SCRG1: variants seen among roughly 807,000 people sequenced by gnomAD.
SCRG1 encodes the protein stimulator of chondrogenesis 1.
A neutral mutation model predicts 7.7 loss-of-function variants in SCRG1; 3 were observed. That is an observed-to-expected ratio of 0.39 (90% confidence interval 0.18 to 1.01). The LOEUF (loss-of-function observed/expected upper bound fraction) is 1.01. Ranked by LOEUF, SCRG1 falls within the 50% of genes least tolerant of loss-of-function variation. The pLI is 0.36. For missense variants in SCRG1, 110 were observed against 117.2 expected (o/e 0.94, Z 0.28); for synonymous variants, 46 against 41.2 (o/e 1.12, Z -0.44).
chr4:173,393,258 A>G (rs1739505195), intron 1 of SCRG1, among the ~76,000 whole-genome samples: 1 of 152,174 alleles, frequency 6.6e-6, no homozygotes, highest in Non-Finnish European at 1.5e-5. Context: ...GTATTTCTTC[A>G]TACTCCTAAG....
chr4:173,440,428 C>T, the SCRG1 span, among the ~76,000 whole-genome samples: 1 of 152,174 alleles, frequency 6.6e-6, no homozygotes, highest in Non-Finnish European at 1.5e-5. Flanking sequence ...TTTTGTTGGA[C>T]ATTTGGAATT....
the SCRG1 span, among the ~76,000 whole-genome samples, chr4:173,483,001 GTA>G: frequency 8.1e-6 from 1 of 123,816 alleles, no homozygotes; most frequent in Non-Finnish European, 1.6e-5. Context: ...TATTTCATAT[GTA>G]TAATATATTA....
chr4:173,482,731 C>A, the SCRG1 span, among the ~76,000 whole-genome samples: 1 of 151,284 alleles, frequency 6.6e-6, no homozygotes, highest in East Asian at 1.9e-4. Context: ...GGCCAGAGGA[C>A]CACATGAGCC....
the SCRG1 span, among the ~76,000 whole-genome samples, chr4:173,514,099 C>T: frequency 6.6e-6 from 1 of 152,080 alleles, no homozygotes; most frequent in African/African-American, 2.4e-5. Flanking sequence ...CTGTTTTGCT[C>T]AATGGGTCAT....
At chr4:173,486,674 G>A in the SCRG1 span, among the ~76,000 whole-genome samples, 4 of 151,666 alleles carry the variant, frequency 2.6e-5, no homozygotes, top group Admixed American at 6.6e-5. Flanking sequence ...TCCTTCCTGC[G>A]TTGGACCATT....
At chr4:173,511,994 T>G in the SCRG1 span, among the ~76,000 whole-genome samples, 11 of 152,218 alleles carry the variant, frequency 7.2e-5, no homozygotes, top group African/African-American at 1.9e-4. This position sits in a 1 kb window ranked among gnomAD's most constrained non-coding sequence, Gnocchi z 5.2. Context: ...TCATTAGGAC[T>G]GTAAATCCTC....
the SCRG1 span, among the ~76,000 whole-genome samples, chr4:173,498,364 T>A: frequency 6.6e-6 from 1 of 152,228 alleles, no homozygotes; most frequent in African/African-American, 2.4e-5. Flanking sequence ...AGGTAAGGAC[T>A]GCAGATGTTG....
the SCRG1 span, among the ~76,000 whole-genome samples, chr4:173,461,816 A>G: frequency 6.6e-6 from 1 of 152,186 alleles, no homozygotes; most frequent in Non-Finnish European, 1.5e-5. Context: ...GAAATTCAAG[A>G]TAACACCAAA....
At chr4:173,479,211 T>C in the SCRG1 span, among the ~76,000 whole-genome samples, 1 of 152,140 alleles carries the variant, frequency 6.6e-6, no homozygotes, top group Non-Finnish European at 1.5e-5. Context: ...TGGAAACCAA[T>C]GCCCAATTTA....
the SCRG1 span, among the ~76,000 whole-genome samples, chr4:173,417,559 A>T: frequency 6.6e-6 from 1 of 151,936 alleles, no homozygotes; most frequent in African/African-American, 2.4e-5. Context: ...TGACCTCATG[A>T]TCTCATTTCT....
the SCRG1 span, among the ~76,000 whole-genome samples, chr4:173,502,122 C>T: frequency 6.6e-6 from 1 of 151,900 alleles, no homozygotes; most frequent in African/African-American, 2.4e-5. The surrounding 1 kb of genome is among the most constrained non-coding windows in gnomAD (Gnocchi z 4.6). Context: ...TAGTATTGCA[C>T]GCCTGGACTT....
At chr4:173,464,245 T>C in the SCRG1 span, among the ~76,000 whole-genome samples, 2 of 152,184 alleles carry the variant, frequency 1.3e-5, no homozygotes, top group Non-Finnish European at 1.5e-5. Flanking sequence ...TCTAGAGATA[T>C]CCCAGTTCAC....
upstream of SCRG1, among the ~76,000 whole-genome samples, chr4:173,407,937 G>C (rs1739947979): frequency 6.6e-6 from 1 of 152,054 alleles, no homozygotes; most frequent in Admixed American, 6.6e-5. Flanking sequence ...TTCCTTTATT[G>C]CTCCTTTACT....
upstream of SCRG1, among the ~76,000 whole-genome samples, chr4:173,407,935 T>C (rs1739947923): frequency 1.3e-5 from 2 of 152,232 alleles, no homozygotes; most frequent in African/African-American, 4.8e-5. Flanking sequence ...TGTTCCTTTA[T>C]TGCTCCTTTA....
the SCRG1 span, among the ~76,000 whole-genome samples, chr4:173,454,002 C>T: frequency 1.2e-4 from 18 of 151,064 alleles, no homozygotes; most frequent in South Asian, 3.3e-3. Context: ...CGCTTGAACC[C>T]GGGAGGTGGA....
chr4:173,401,000 G>A (rs1277849173), upstream of SCRG1, among the ~76,000 whole-genome samples: 1 of 152,178 alleles, frequency 6.6e-6, no homozygotes, highest in African/African-American at 2.4e-5. Flanking sequence ...GTTAAAGGAA[G>A]AGTATTTCAA....
chr4:173,449,423 T>C, the SCRG1 span, among the ~76,000 whole-genome samples: 1 of 146,520 alleles, frequency 6.8e-6, no homozygotes, highest in Non-Finnish European at 1.5e-5. Flanking sequence ...CTGCAGAGCA[T>C]ACATGATAAA....
intron 1 of SCRG1, among the ~76,000 whole-genome samples, chr4:173,405,534 G>C (rs538851860): frequency 6.6e-6 from 1 of 152,118 alleles, no homozygotes; most frequent in Non-Finnish European, 1.5e-5. Context: ...CTTTGAGGGC[G>C]GAGTAACTAC....
the SCRG1 span, among the ~76,000 whole-genome samples, chr4:173,420,482 T>A: frequency 6.6e-6 from 1 of 152,188 alleles, no homozygotes; most frequent in Admixed American, 6.5e-5. Flanking sequence ...TTTGGTAACA[T>A]GACCAGTAGA....
Sources: allele counts gnomAD v4.1 joint callset (sites outside exome capture counted in the v4.1 genomes callset), GRCh38; gene constraint gnomAD v4.1.1; non-coding constraint Gnocchi (gnomAD v3.1); transcripts MANE v1.5; gene names NCBI Gene and HGNC (gene_info 2026-07-23, HGNC 2026-07-21).